GPC3: variants seen among roughly 807,000 people sequenced by gnomAD.
GPC3 encodes glypican-3.
Under a neutral mutation model 34.4 loss-of-function variants are expected in GPC3, and 3 were observed. That is an observed-to-expected ratio of 0.09 (90% CI 0.04 to 0.23). The LOEUF (loss-of-function observed/expected upper bound fraction) is 0.23, where lower values mean the gene tolerates loss of function less well. Among genes scored for constraint, GPC3 ranks in the 10% least tolerant of loss-of-function variants. GPC3 has a pLI of 1.00. For synonymous variants in GPC3, 177 were observed against 174.0 expected, an observed-to-expected ratio of 1.02 and a Z score of -0.13; for missense variants, 351 against 445.6, an observed-to-expected ratio of 0.79 and a Z score of 1.91.
At chrX:133,635,419 T>C (rs990797409) in intron 6 of GPC3, among the ~76,000 whole-genome samples, 2 of 111,490 alleles carry the variant, frequency 1.8e-5, no homozygotes, top group African/African-American at 6.5e-5. Context: ...AAAGCAATCA[T>C]GTGACAAAGT....
intron 3 of GPC3, among the ~76,000 whole-genome samples, chrX:133,728,697 C>T (rs1160915622): frequency 8.9e-6 from 1 of 112,311 alleles, no homozygotes; most frequent in African/African-American, 3.2e-5. Flanking sequence ...CAATTTGAGA[C>T]AACAAATACA....
chrX:133,569,296 C>T (rs950172538), intron 7 of GPC3, among the ~76,000 whole-genome samples: 6 of 112,153 alleles, frequency 5.3e-5, no homozygotes, highest in South Asian at 7.5e-4. Context: ...ATGAGCTTTC[C>T]ACTTTGGAGC....
At chrX:133,569,615 A>C (rs1433531187) in intron 7 of GPC3, among the ~76,000 whole-genome samples, 1 of 112,342 alleles carries the variant, frequency 8.9e-6, no homozygotes, top group Non-Finnish European at 1.9e-5. Flanking sequence ...GACAGGCTTT[A>C]TATTTTTCTG....
At chrX:133,810,548 G>A (rs1183054474) in intron 2 of GPC3, among the ~76,000 whole-genome samples, 4 of 111,482 alleles carry the variant, frequency 3.6e-5, no homozygotes, top group Non-Finnish European at 7.5e-5. Flanking sequence ...CTACAAAAAC[G>A]AAGTGAGTCC....
chrX:133,815,763 A>G (rs540973642), intron 2 of GPC3, among the ~76,000 whole-genome samples: 1 of 111,893 alleles, frequency 8.9e-6, no homozygotes, highest in African/African-American at 3.2e-5. Flanking sequence ...AAAAGCAGAC[A>G]GAGCCTTGTT....
At chrX:133,716,964 GT>G (rs1431726015) in intron 3 of GPC3, among the ~76,000 whole-genome samples, 2 of 110,125 alleles carry the variant, frequency 1.8e-5, no homozygotes, top group Non-Finnish European at 3.8e-5. Flanking sequence ...TTTTTTTCTT[GT>G]TTTTTAATTT....
At chrX:133,664,470 G>A (rs1174886870) in intron 5 of GPC3, among the ~76,000 whole-genome samples, 5 of 110,881 alleles carry the variant, frequency 4.5e-5, no homozygotes, top group Admixed American at 9.6e-5. Context: ...GGTTAATTGC[G>A]GCTTTAAAAA....
intron 6 of GPC3, among the ~76,000 whole-genome samples, chrX:133,600,016 T>C: frequency 9.0e-6 from 1 of 111,630 alleles, no homozygotes; most frequent in Middle Eastern, 4.6e-3. Flanking sequence ...CTGTTCCCTT[T>C]ATCTGTACCT....
intron 3 of GPC3, among the ~76,000 whole-genome samples, chrX:133,741,566 G>A (rs990970408): frequency 8.9e-6 from 1 of 112,228 alleles, no homozygotes; most frequent in Admixed American, 9.4e-5. Flanking sequence ...TCTGGTTCTG[G>A]GCAAGAGATG....
intron 2 of GPC3, among the ~76,000 whole-genome samples, chrX:133,879,582 A>G (rs781709259): frequency 9.0e-6 from 1 of 111,223 alleles, no homozygotes; most frequent in African/African-American, 3.3e-5. Flanking sequence ...AGGCAAGCAG[A>G]TCACTTGAGG....
chrX:133,832,141 G>A (rs775635872), intron 2 of GPC3, among the ~76,000 whole-genome samples: 7 of 109,933 alleles, frequency 6.4e-5, no homozygotes, highest in East Asian at 5.7e-4. Flanking sequence ...TTAGCCAGGC[G>A]TAGTGGTACG....
intron 7 of GPC3, among the ~76,000 whole-genome samples, chrX:133,588,775 T>C (rs1312455718): frequency 8.9e-6 from 1 of 112,058 alleles, no homozygotes; most frequent in Non-Finnish European, 1.9e-5. Flanking sequence ...TATTTCCTAA[T>C]TGCTGTTTTA....
intron 2 of GPC3, among the ~76,000 whole-genome samples, chrX:133,944,215 GA>G (rs917162561): frequency 9.0e-6 from 1 of 111,193 alleles, no homozygotes; most frequent in Non-Finnish European, 1.9e-5. Flanking sequence ...TTTAGTAAAG[GA>G]TACCCATGTT....
At chrX:133,827,638 C>T (rs751771104) in intron 2 of GPC3, among the ~76,000 whole-genome samples, 13 of 110,921 alleles carry the variant, frequency 1.2e-4, no homozygotes, top group Admixed American at 4.8e-4. Context: ...CAAAAATTAG[C>T]TGGGCGTGGT....
chrX:133,646,737 T>C (rs768116905), intron 6 of GPC3, among the ~76,000 whole-genome samples: 5 of 112,040 alleles, frequency 4.5e-5, no homozygotes, highest in Admixed American at 9.5e-5. Context: ...CTATATTTTA[T>C]AGCAACTGAA....
intron 2 of GPC3, among the ~76,000 whole-genome samples, chrX:133,888,966 T>C (rs2076073939): frequency 8.9e-6 from 1 of 112,261 alleles, no homozygotes; most frequent in African/African-American, 3.2e-5. Flanking sequence ...TGTGTACTGA[T>C]GTAGCTGAAG....
At chrX:133,870,428 A>C (rs1239933554) in intron 2 of GPC3, among the ~76,000 whole-genome samples, 1 of 111,606 alleles carries the variant, frequency 9.0e-6, no homozygotes, top group Admixed American at 9.5e-5. Flanking sequence ...CTTACAGTAT[A>C]GCTTAACTTT....
intron 2 of GPC3, among the ~76,000 whole-genome samples, chrX:133,853,387 T>A (rs1195309428): frequency 8.9e-6 from 1 of 112,124 alleles, no homozygotes; most frequent in East Asian, 2.8e-4. Context: ...CCCTAGCCTG[T>A]TGTCATTTCT....
chrX:133,865,674 C>A (rs762795352), intron 2 of GPC3, among the ~76,000 whole-genome samples: 8 of 112,237 alleles, frequency 7.1e-5, no homozygotes, highest in African/African-American at 2.3e-4. Context: ...TCTTTTCCTA[C>A]ATGTGGTAAT....
Sources: gnomAD v4.1 joint callset for allele counts (sites outside exome capture counted in the v4.1 genomes callset) on GRCh38, gnomAD v4.1.1 for gene constraint, MANE v1.5 for transcripts, NCBI Gene and HGNC (gene_info 2026-07-23, HGNC 2026-07-21) for gene names.